FUBP3: variants seen among roughly 807,000 people sequenced by gnomAD.
FUBP3 encodes far upstream element binding protein 3, also known as far upstream element-binding protein 3.
FUBP3 carries 28 observed loss-of-function variants against 85.6 expected under a neutral mutation model. That is an observed-to-expected ratio of 0.33 (90% CI 0.24 to 0.45). The LOEUF (loss-of-function observed/expected upper bound fraction) is 0.45, where lower values mean the gene tolerates loss of function less well. FUBP3 is among the 20% of genes least tolerant of loss of function. The pLI is 1.00. For synonymous variants in FUBP3, 271 were observed against 271.4 expected (o/e 1.00, Z 0.01); for missense variants, 583 against 755.1 (o/e 0.77, Z 2.67).
At chr9:130,622,215 T>G (rs1018792091) in intron 9 of FUBP3, among the ~76,000 whole-genome samples, 4 of 149,488 alleles carry the variant, frequency 2.7e-5, no homozygotes, top group African/African-American at 9.9e-5. Flanking sequence ...TCCTAGCTAC[T>G]CAGGAGGCTG....
At chr9:130,626,824 CTGATTGGTAA>C (rs1203122411) in intron 12 of FUBP3, among the ~76,000 whole-genome samples, 1 of 152,164 alleles carries the variant, frequency 6.6e-6, no homozygotes, top group African/African-American at 2.4e-5. Context: ...TGTCAATCGA[CTGATTGGTAA>C]TTAACTCACC....
In FUBP3 at chr9:130,616,625, G is replaced by T; in HGVS notation, c.567+108G>T. 4 of 996,066 alleles carry T rather than the reference G, an allele frequency of 4.0e-6. No individual in the cohort carries two copies. Among genetic ancestry groups the T allele is most frequent in the Non-Finnish European group, 6.1e-6 (4 of 658,448 alleles). 61.7% of individuals were successfully genotyped at this position (996,066 alleles called of 1,614,324 possible). A position where few individuals can be genotyped will look rare whatever the true frequency, so the allele number is the denominator to read the frequency against. On this transcript the variant is annotated intron_variant, in intron 7 of 18. Transcript: ENST00000319725. This position sits in a 1 kb window ranked among gnomAD's most constrained non-coding sequence, Gnocchi z 4.7. ...GGCATTCCCTGGCTGGGCTGGCTTTGTGCAGCATTGTGCTGAGGCTTCCTT... is the reference window on the plus strand; with the variant it reads ...GGCATTCCCTGGCTGGGCTGGCTTTTTGCAGCATTGTGCTGAGGCTTCCTT...
chr9:130,612,605 C>G lies in FUBP3; in HGVS notation c.274+100C>G, dbSNP rs1248698779. ...GCCAGGATGTTCTTTTTGTTTTAAT[C>G]TCTCTTGTGAGTATCACCTGTAGTA... On this transcript the variant is annotated intron_variant, in intron 4 of 18. Transcript: ENST00000319725. This position sits in a 1 kb window ranked among gnomAD's most constrained non-coding sequence, Gnocchi z 4.1. 1.2e-6 allele frequency: 1 copy of G among 804,080 alleles called. No individual in the cohort carries two copies. The highest frequency in any genetic ancestry group is 1.7e-5 in the African/African-American group (1 of 58,276). The allele number at this position is 804,080 out of a possible 1,614,324, so 49.8% of individuals were successfully genotyped here.
At chr9:130,620,323 C>A in intron 8 of FUBP3, 31 bp from the exon 9 acceptor site, 1 of 1,321,450 alleles carries the variant, frequency 7.6e-7, no homozygotes, top group Non-Finnish European at 1.1e-6. Context: ...GGAATTTTTT[C>A]TCATAATGCT....
chr9:130,612,573 C>A lies in FUBP3; in HGVS notation c.274+68C>A, dbSNP rs1831800307. The stretch of plus-strand genomic sequence containing the variant: ...TTCTTTTTCTCTCTTTTTTTCTGAG[C>A]TGCTTTGCCAGGATGTTCTTTTTGT... On this transcript the variant is annotated intron_variant, in intron 4 of 18. Coordinates refer to ENST00000319725, the MANE Select transcript of FUBP3 (RefSeq NM_003934.2). This position sits in a 1 kb window ranked among gnomAD's most constrained non-coding sequence, Gnocchi z 4.1. The A allele has an allele frequency of 3.0e-6, 3 of 999,604 alleles. No homozygotes were observed. In the Admixed American group the frequency reaches 5.4e-5, roughly 18 times the overall value. 61.9% of individuals were successfully genotyped at this position (999,604 alleles called of 1,614,324 possible).
intron 1 of FUBP3, among the ~76,000 whole-genome samples, chr9:130,587,777 C>A (rs1830417894): frequency 1.3e-5 from 2 of 152,054 alleles, no homozygotes; most frequent in Non-Finnish European, 2.9e-5. Flanking sequence ...CTTAAGGGTA[C>A]CAAGATGATG....
chr9:130,620,826 A>C (rs1226217821), intron 9 of FUBP3, among the ~76,000 whole-genome samples: 1 of 152,220 alleles, frequency 6.6e-6, no homozygotes, highest in East Asian at 1.9e-4. Flanking sequence ...TATCCTAGAG[A>C]ATGAAATTTT....
chr9:130,624,815 C>T (rs1375241669), intron 11 of FUBP3, among the ~76,000 whole-genome samples: 2 of 152,074 alleles, frequency 1.3e-5, no homozygotes, highest in African/African-American at 2.4e-5. Context: ...TGGCCAGGCA[C>T]GGTGGCTCAC....
chr9:130,591,304 A>C (rs1286593137), intron 1 of FUBP3, among the ~76,000 whole-genome samples: 1 of 152,096 alleles, frequency 6.6e-6, no homozygotes, highest in Non-Finnish European at 1.5e-5. Context: ...TTATCCAGGC[A>C]TGGTGGCGCA....
Position 130,612,983 on chromosome 9 carries a change from C to T in FUBP3, c.302C>T (p.Ser101Leu). ...ATCGGCAGGGGAGGTGAGCAGATTTCACGGATTCAAGCAGAATCTGGTTGC... is the reference window on the plus strand; with the variant it reads ...ATCGGCAGGGGAGGTGAGCAGATTTTACGGATTCAAGCAGAATCTGGTTGC... ...FIIGRGGEQI[S>L]RIQAESGCKI... is the part of the protein sequence containing the mutation. The change falls in exon 5 of 19, where the codon TCA (serine) becomes TTA (leucine). Residue 101 changes from serine to leucine, a missense_variant. Physicochemically the swap from Ser to Leu is moderately radical, Grantham distance 145. Transcript: ENST00000319725. The surrounding 1 kb of genome is among the most constrained non-coding windows in gnomAD (Gnocchi z 4.1). 1 of 1,613,070 alleles carries T rather than the reference C, an allele frequency of 6.2e-7. No individual in the cohort carries two copies. The highest frequency in any genetic ancestry group is 8.5e-7 in the Non-Finnish European group (1 of 1,179,048).
At chr9:130,614,772 C>T (rs948167434) in intron 6 of FUBP3, among the ~76,000 whole-genome samples, 3 of 152,162 alleles carry the variant, frequency 2.0e-5, no homozygotes, top group South Asian at 2.1e-4. Context: ...TATTTGTGAA[C>T]CAAATGAATC....
At chr9:130,628,377 C>T (rs1830077508) in intron 12 of FUBP3, among the ~76,000 whole-genome samples, 1 of 152,242 alleles carries the variant, frequency 6.6e-6, no homozygotes, top group South Asian at 2.1e-4. Flanking sequence ...ATTTCACGTC[C>T]AGCCAGGGGG....
intron 6 of FUBP3, among the ~76,000 whole-genome samples, chr9:130,615,978 G>A (rs1370128552): frequency 6.6e-6 from 1 of 152,168 alleles, no homozygotes; most frequent in Admixed American, 6.5e-5. Context: ...AGTCTACTCT[G>A]TGAGAAGGGT....
intron 2 of FUBP3, 50 bp downstream of exon 2, chr9:130,595,638 G>A (rs764467994): frequency 3.7e-6 from 3 of 821,288 alleles, no homozygotes; most frequent in Non-Finnish European, 6.5e-6. Context: ...GAACCTGCCA[G>A]TTAAGTTTGA....
rs535004169 is a variant in FUBP3, at chr9:130,579,946, C to A, written c.84+182C>A. 3.7e-3 allele frequency among the ~76,000 whole-genome samples: 569 copies of A among 152,328 alleles called. 6 individuals carry two copies. The highest frequency in any genetic ancestry group is 0.013 in the African/African-American group (531 of 41,584). ...GGGGGATAAGGCGCCACTGCGAGGCCCAGGCCCGGCCTGTCGGGCGGGTCT... is the reference window on the plus strand; with the variant it reads ...GGGGGATAAGGCGCCACTGCGAGGCACAGGCCCGGCCTGTCGGGCGGGTCT... On this transcript the variant is annotated intron_variant, in intron 1 of 18. Transcript: ENST00000319725.
rs1440188789 is a variant in FUBP3, at chr9:130,579,656, G to T, written c.-25G>T. The T allele has an allele frequency of 3.3e-6, 4 of 1,199,118 alleles. No homozygotes were observed. Among genetic ancestry groups the T allele is most frequent in the East Asian group, 3.2e-5 (1 of 31,742 alleles). 74.3% of individuals were successfully genotyped at this position (1,199,118 alleles called of 1,614,324 possible). On this transcript the variant is annotated 5_prime_UTR_variant, in exon 1 of 19. Coordinates refer to ENST00000319725, the MANE Select transcript of FUBP3 (RefSeq NM_003934.2). ...CGGCGGCGTCGGCGGCGTCGGCGGC[G>T]GCGGCGACGGCGGCGGGGGCGGTAA... is the stretch of plus-strand genomic sequence containing the variant.
At chr9:130,631,694 T>C (rs1830217587) in intron 14 of FUBP3, 64 bp downstream of exon 14, 67 of 1,312,362 alleles carry the variant, frequency 5.1e-5, no homozygotes, top group Non-Finnish European at 7.1e-5. Context: ...CCCCTGTCGT[T>C]TCCAGCTACT....
chr9:130,583,740 G>A (rs902942304), intron 1 of FUBP3, among the ~76,000 whole-genome samples: 2 of 152,306 alleles, frequency 1.3e-5, no homozygotes, highest in Middle Eastern at 3.4e-3. Flanking sequence ...TTTTGGTGAT[G>A]TCACTGAGTG....
Position 130,590,517 on chromosome 9 carries a change from G to C in FUBP3, c.85-4966G>C, listed in dbSNP as rs1830579245. 2.0e-5 allele frequency among the ~76,000 whole-genome samples: 3 copies of C among 152,208 alleles called. No individual in the cohort carries two copies. The South Asian group carries it at 6.2e-4, about 31-fold the overall frequency. ...CCCCTGAAAAGGGGGAAAATAACTT[G>C]TGTGGTAGAAAATTGGTAGCAGAGT... On this transcript the variant is annotated intron_variant, in intron 1 of 18. Transcript: ENST00000319725.
Sources: allele counts gnomAD v4.1 joint callset (sites outside exome capture counted in the v4.1 genomes callset), GRCh38; gene constraint gnomAD v4.1.1; non-coding constraint Gnocchi (gnomAD v3.1); transcripts MANE v1.5; gene names NCBI Gene and HGNC (gene_info 2026-07-23, HGNC 2026-07-21).